Variants in CLCN6 observed in about 807,000 individuals in gnomAD.
CLCN6 encodes the protein H(+)/Cl(-) exchange transporter 6.
CLCN6 carries 70 observed loss-of-function variants against 109.8 expected under a neutral mutation model. The ratio of observed to expected loss-of-function variants is 0.64; its 90% CI spans 0.53 to 0.78. CLCN6 has a LOEUF of 0.78. CLCN6 is among the 30% of genes least tolerant of loss of function. The probability of loss-of-function intolerance (pLI) is 0.00; values close to 1 mark genes in which losing one functional copy is unlikely to be tolerated. For missense variants in CLCN6, 984 were observed against 1,142.3 expected (o/e 0.86, Z 2.00); for synonymous variants, 444 against 447.8 (o/e 0.99, Z 0.11).
chr1:11,812,664 T>TGTG (rs1644615747), intron 2 of CLCN6, among the ~76,000 whole-genome samples: 18 of 127,020 alleles, frequency 1.4e-4, no homozygotes, highest in African/African-American at 5.6e-4. Context: ...CAAAGTATGT[T>TGTG]TGTGTGTGTG....
chr1:11,818,563 GTCCA>G (rs1644702994), intron 4 of CLCN6, among the ~76,000 whole-genome samples: 1 of 152,190 alleles, frequency 6.6e-6, no homozygotes, highest in Non-Finnish European at 1.5e-5. Flanking sequence ...CCCAACTCTT[GTCCA>G]TTGATGTGTG....
At chr1:11,808,870 A>T (rs576364071) in intron 2 of CLCN6, among the ~76,000 whole-genome samples, 52 of 149,904 alleles carry the variant, frequency 3.5e-4, no homozygotes, top group Middle Eastern at 6.8e-3. Flanking sequence ...TCTTTTTTTT[A>T]AATTTGAGAT....
Position 11,834,106 on chromosome 1 carries a change from G to GT in CLCN6, c.1526+77dup. On this transcript the variant is annotated intron_variant, in intron 15 of 22. Coordinates refer to ENST00000346436, the MANE Select transcript of CLCN6 (RefSeq NM_001286.5). This position sits in a 1 kb window ranked among gnomAD's most constrained non-coding sequence, Gnocchi z 4.5. ...TGCGTGTGTATGCATGTGTGTGCGTGTGCGTGCGTTGATGTGTCTGTGCCC... is the reference window on the plus strand; with the variant it reads ...TGCGTGTGTATGCATGTGTGTGCGTGTTGCGTGCGTTGATGTGTCTGTGCCC... 6.3e-7 allele frequency: 1 copy of GT among 1,594,944 alleles called. No individual in the cohort carries two copies. Among genetic ancestry groups the GT allele is most frequent in the Non-Finnish European group, 8.5e-7 (1 of 1,170,852 alleles).
In CLCN6 at chr1:11,834,132, A is replaced by G; in HGVS notation, c.1526+102A>G. ...TGCGTGCGTTGATGTGTCTGTGCCC[A>G]TGCATGCACATATGTGCATAGGCAC... On this transcript the variant is annotated intron_variant, in intron 15 of 22. Coordinates refer to ENST00000346436, the MANE Select transcript of CLCN6 (RefSeq NM_001286.5). The surrounding 1 kb of genome is among the most constrained non-coding windows in gnomAD (Gnocchi z 4.5). 2 of 1,587,660 alleles carry G rather than the reference A, an allele frequency of 1.3e-6. No individual in the cohort carries two copies. The highest frequency in any genetic ancestry group is 1.1e-5 in the South Asian group (1 of 89,034).
At chr1:11,824,450 A>G in intron 7 of CLCN6, 36 bp from the exon 8 acceptor site, 1 of 1,586,616 alleles carries the variant, frequency 6.3e-7, no homozygotes, top group Non-Finnish European at 8.6e-7. Flanking sequence ...GCGTTTCTGC[A>G]CTGACTGTTG....
intron 5 of CLCN6, among the ~76,000 whole-genome samples, chr1:11,821,615 A>G (rs1230414644): frequency 1.3e-5 from 2 of 152,242 alleles, no homozygotes; most frequent in South Asian, 2.1e-4. Context: ...AGATGGTCCA[A>G]TGGAAGGAAA....
intron 5 of CLCN6, among the ~76,000 whole-genome samples, chr1:11,819,933 C>A (rs563655867): frequency 6.6e-6 from 1 of 152,046 alleles, no homozygotes; most frequent in Non-Finnish European, 1.5e-5. Context: ...GTGGACTTGA[C>A]CCTGTCAGAT....
rs1475321063 is a variant in CLCN6 at position 11,816,596 on chromosome 1, T to G, written c.214-19T>G. On this transcript the variant is annotated intron_variant, in intron 3 of 22. Transcript: ENST00000346436. ...ACCATAACCCTGTAAACTGAATCAT[T>G]CTTTTCCTGTGTGAACAGAAAGGTC... 1 of 1,609,038 alleles carries G rather than the reference T, an allele frequency of 6.2e-7. No individual in the cohort carries two copies. Among genetic ancestry groups the G allele is most frequent in the African/African-American group, 1.3e-5 (1 of 74,962 alleles).
Position 11,838,598 on chromosome 1 carries a change from GTCT to G in CLCN6, c.2470_2472del (p.Phe824del). The G allele has an allele frequency of 6.2e-7, 1 of 1,614,122 alleles. No individual in the cohort carries two copies. The highest frequency in any genetic ancestry group is 8.5e-7 in the Non-Finnish European group (1 of 1,179,972). Reference sequence around the variant, plus strand: ...CTCGCCCAACACCCACGTCTCCCAAGTCTTCAACCTGTTCAGAACGATGGGCCT... The same window carrying G: ...CTCGCCCAACACCCACGTCTCCCAAGTCAACCTGTTCAGAACGATGGGCCT... On this transcript the variant is annotated inframe_deletion, in exon 22 of 23. Transcript: ENST00000346436.
At chr1:11,824,026 A>G (rs1425416148) in intron 7 of CLCN6, among the ~76,000 whole-genome samples, 193 bp downstream of exon 7, 2 of 152,090 alleles carry the variant, frequency 1.3e-5, no homozygotes, top group Non-Finnish European at 1.5e-5. Flanking sequence ...TGACAAACAC[A>G]CTCTTCAGTT....
intron 8 of CLCN6, among the ~76,000 whole-genome samples, chr1:11,825,620 GT>G (rs1644801859): frequency 6.6e-6 from 1 of 152,076 alleles, no homozygotes; most frequent in Non-Finnish European, 1.5e-5. Flanking sequence ...TTTTTCCCAA[GT>G]TTTTTTATTT....
chr1:11,840,348 C>A lies in CLCN6; in HGVS notation c.*125C>A. The stretch of plus-strand genomic sequence containing the variant: ...CCAGTCACCCACTCACTCAGAAAGC[C>A]GGGAGTCATCGGACACCTTGCTGGT... On this transcript the variant is annotated 3_prime_UTR_variant, in exon 23 of 23. Coordinates refer to ENST00000346436, the MANE Select transcript of CLCN6 (RefSeq NM_001286.5). 2 of 840,132 alleles carry A rather than the reference C, an allele frequency of 2.4e-6. No homozygotes were observed. Among genetic ancestry groups the A allele is most frequent in the Non-Finnish European group, 4.0e-6 (2 of 502,826 alleles). 52.0% of individuals were successfully genotyped at this position (840,132 alleles called of 1,614,324 possible). A position where few individuals can be genotyped will look rare whatever the true frequency, so the allele number is the denominator to read the frequency against.
chr1:11,817,714 C>G (rs767613029), intron 4 of CLCN6, among the ~76,000 whole-genome samples: 1 of 152,208 alleles, frequency 6.6e-6, no homozygotes, highest in Non-Finnish European at 1.5e-5. Flanking sequence ...TTATCTTGAA[C>G]TGGCCACAAG....
chr1:11,835,678 G>T (rs1644935170), intron 17 of CLCN6, among the ~76,000 whole-genome samples: 1 of 152,186 alleles, frequency 6.6e-6, no homozygotes, highest in South Asian at 2.1e-4. Flanking sequence ...GCCAGCCCCT[G>T]GACCAGCAGC....
At position 11,835,978 on chromosome 1, in the gene CLCN6, G is replaced by A; in HGVS notation, c.1805G>A (p.Ser602Asn). The change falls in exon 18 of 23, where the codon AGC becomes AAC. Residue 602 changes from serine (S) to asparagine (N), a missense_variant. Transcript: ENST00000346436. ...TEVEMDKLRA[S>N]DIMEPNLTYV... The stretch of plus-strand genomic sequence containing the variant: ...CCCTCCTCCCCCAGGCTGAGAGCCA[G>A]CGACATCATGGAGCCCAACCTGACC... 1 of 1,613,338 alleles carries A rather than the reference G, an allele frequency of 6.2e-7. No homozygotes were observed. Among genetic ancestry groups the A allele is most frequent in the Non-Finnish European group, 8.5e-7 (1 of 1,179,750 alleles).
chr1:11,828,261 T>C (rs1486627030), intron 11 of CLCN6, 42 bp downstream of exon 11: 1 of 1,567,386 alleles, frequency 6.4e-7, no homozygotes, highest in Non-Finnish European at 8.8e-7. Context: ...ATTTGACCCA[T>C]GAAAATTTCC....
Position 11,806,346 on chromosome 1 carries a change from G to A in CLCN6, c.84G>A (p.Glu28=). Residue 28 remains glutamate, a synonymous_variant, in exon 1 of 23, where the codon GAG becomes GAA. Transcript: ENST00000346436. ...CGERETRTPE[E]LTILGETQEE... Reference sequence around the variant, plus strand: ...AGCGTGAGACCCGCACCCCCGAGGAGCTGGTAAGAAGCCGGCGGAGTCGGC... The same window carrying A: ...AGCGTGAGACCCGCACCCCCGAGGAACTGGTAAGAAGCCGGCGGAGTCGGC... The A allele has an allele frequency of 2.0e-6, 3 of 1,517,018 alleles. No individual in the cohort carries two copies. Among genetic ancestry groups the A allele is most frequent in the Non-Finnish European group, 1.7e-6 (2 of 1,144,074 alleles). 94.0% of individuals were successfully genotyped at this position (1,517,018 alleles called of 1,614,324 possible). A position where few individuals can be genotyped will look rare whatever the true frequency, so the allele number is the denominator to read the frequency against.
chr1:11,812,834 A>G (rs1476107268), intron 2 of CLCN6, among the ~76,000 whole-genome samples: 1 of 151,924 alleles, frequency 6.6e-6, no homozygotes, highest in African/African-American at 2.4e-5. Flanking sequence ...TCCCTTATCT[A>G]CCTAGAAACT....
intron 13 of CLCN6, among the ~76,000 whole-genome samples, chr1:11,830,860 G>A (rs952860643): frequency 3.3e-5 from 5 of 150,316 alleles, no homozygotes; most frequent in Admixed American, 2.0e-4. Context: ...TTAAGACGGA[G>A]TCTTACTCTG....
Sources: gnomAD v4.1 joint callset for allele counts (sites outside exome capture counted in the v4.1 genomes callset) on GRCh38, gnomAD v4.1.1 for gene constraint, Gnocchi (gnomAD v3.1) non-coding constraint, MANE v1.5 for transcripts, NCBI Gene and HGNC (gene_info 2026-07-23, HGNC 2026-07-21) for gene names.